The following ENOX2 variants were observed in gnomAD, a reference collection of about 807,000 sequenced individuals.
The protein encoded by ENOX2 is APK1 antigen.
A neutral mutation model predicts 45.0 loss-of-function variants in ENOX2; 36 were observed. The observed-to-expected ratio is 0.80, with a 90% CI of 0.61 to 1.06. The LOEUF (loss-of-function observed/expected upper bound fraction) is 1.06. ENOX2 is among the 50% of genes least tolerant of loss of function. The probability of loss-of-function intolerance (pLI) is 0.00; values close to 1 mark genes in which losing one functional copy is unlikely to be tolerated. For synonymous variants in ENOX2, 174 were observed against 152.3 expected, an observed-to-expected ratio of 1.14 and a Z score of -1.05; for missense variants, 423 against 462.5, an observed-to-expected ratio of 0.91 and a Z score of 0.78.
At chrX:130,711,921 G>T (rs1215110078) in intron 3 of ENOX2, among the ~76,000 whole-genome samples, 2 of 111,455 alleles carry the variant, frequency 1.8e-5, no homozygotes, top group Non-Finnish European at 3.8e-5. Flanking sequence ...TAGTGAGGAA[G>T]AAGAAGGCCA....
intron 2 of ENOX2, among the ~76,000 whole-genome samples, chrX:130,880,288 A>T (rs192300877): frequency 8.9e-6 from 1 of 112,022 alleles, no homozygotes; most frequent in Non-Finnish European, 1.9e-5. Context: ...AGGCATAGTT[A>T]CTTACCATAT....
chrX:130,832,170 T>C (rs184483368), intron 2 of ENOX2, among the ~76,000 whole-genome samples: 9 of 111,081 alleles, frequency 8.1e-5, no homozygotes, highest in Non-Finnish European at 1.7e-4. Flanking sequence ...CGTCTCACTA[T>C]ACATGCTTGG....
At chrX:130,871,526 G>GA (rs2078589899) in intron 2 of ENOX2, among the ~76,000 whole-genome samples, 3 of 111,491 alleles carry the variant, frequency 2.7e-5, no homozygotes, top group African/African-American at 9.8e-5. Flanking sequence ...CAAAGAAGGG[G>GA]AAAATCAATG....
rs909518542 is a variant in ENOX2, at chrX:130,623,327, T to A, written c.*1987A>T. On this transcript the variant is annotated 3_prime_UTR_variant, in exon 15 of 15. Transcript: ENST00000394363. ...GGTGTGGCAGCTGTTGCTTTAAAAA[T>A]TTTTTTTAATGTATTAATATCATGG... 1.1e-4 allele frequency: 12 copies of A among 111,010 alleles called. No individual in the cohort carries two copies. Among genetic ancestry groups the A allele is most frequent in the Admixed American group, 9.6e-4 (10 of 10,401 alleles). The allele number at this position is 111,010 out of a possible 1,213,427, so 9.1% of individuals were successfully genotyped here. A position where few individuals can be genotyped will look rare whatever the true frequency, so the allele number is the denominator to read the frequency against.
intron 4 of ENOX2, among the ~76,000 whole-genome samples, chrX:130,698,848 T>C (rs548014441): frequency 1.8e-5 from 2 of 111,850 alleles, no homozygotes; most frequent in Middle Eastern, 4.6e-3. Context: ...ATATCTTTCA[T>C]TATGGAGCAG....
chrX:130,641,492 G>T (rs2036081022), intron 10 of ENOX2, among the ~76,000 whole-genome samples: 1 of 110,815 alleles, frequency 9.0e-6, no homozygotes, highest in Non-Finnish European at 1.9e-5. Flanking sequence ...GCTGAGGTGG[G>T]CAGATCATGA....
chrX:130,683,526 G>A (rs765438637), intron 5 of ENOX2, among the ~76,000 whole-genome samples: 2 of 111,235 alleles, frequency 1.8e-5, no homozygotes, highest in East Asian at 5.6e-4. Flanking sequence ...CTGGCTCCTG[G>A]GTATTTTCCC....
In ENOX2 at chrX:130,631,470, A is replaced by G. The variant is rs150670565; in HGVS notation, c.1526T>C (p.Val509Ala). ...CATGTGTGCATTAGCTTCCTTACCC[A>G]CTAGCAGTGCTTCACGTTCAGATTT... is the stretch of plus-strand genomic sequence containing the variant. ...PIKSEREALL[V>A]GIISTFLHVH... The change falls in exon 13 of 15, where the codon GTG becomes GCG. Residue 509 changes from valine to alanine, a missense_variant and splice_region_variant. Val to Ala is a moderately conservative substitution (Grantham distance 64). Coordinates refer to ENST00000394363, the MANE Select transcript of ENOX2 (RefSeq NM_006375.4). 7.4e-5 allele frequency: 83 copies of G among 1,128,918 alleles called. No individual in the cohort carries two copies. The African/African-American group carries it at 9.9e-4, about 13-fold the overall frequency. The allele number at this position is 1,128,918 out of a possible 1,213,427, so 93.0% of individuals were successfully genotyped here. A position where few individuals can be genotyped will look rare whatever the true frequency, so the allele number is the denominator to read the frequency against.
At chrX:130,859,863 A>C (rs1409759933) in intron 2 of ENOX2, among the ~76,000 whole-genome samples, 1 of 111,552 alleles carries the variant, frequency 9.0e-6, no homozygotes, top group Non-Finnish European at 1.9e-5. Flanking sequence ...AATTTACTTA[A>C]TTTTAAGATA....
chrX:130,881,746 G>T (rs1173410232), intron 2 of ENOX2, among the ~76,000 whole-genome samples: 1 of 110,952 alleles, frequency 9.0e-6, no homozygotes, highest in Non-Finnish European at 1.9e-5. Flanking sequence ...GAGCGAGGAT[G>T]AGTATAGAAA....
chrX:130,776,956 T>C (rs956682460), intron 3 of ENOX2, among the ~76,000 whole-genome samples: 5 of 112,032 alleles, frequency 4.5e-5, no homozygotes, highest in African/African-American at 1.6e-4. Flanking sequence ...CCAAAACAGA[T>C]ACGGGGCCTC....
At chrX:130,859,637 T>C (rs2078377893) in intron 2 of ENOX2, among the ~76,000 whole-genome samples, 1 of 111,863 alleles carries the variant, frequency 8.9e-6, no homozygotes. Flanking sequence ...GTGTATAAAC[T>C]ATAAATAGAT....
intron 2 of ENOX2, among the ~76,000 whole-genome samples, chrX:130,815,021 T>C (rs2077457154): frequency 9.0e-6 from 1 of 111,446 alleles, no homozygotes; most frequent in African/African-American, 3.3e-5. Context: ...GAGGAATTGC[T>C]AACTAGAATA....
At chrX:130,701,317 C>T (rs1006137770) in intron 4 of ENOX2, among the ~76,000 whole-genome samples, 2 of 110,144 alleles carry the variant, frequency 1.8e-5, no homozygotes, top group African/African-American at 6.6e-5. Flanking sequence ...GACTCAGGGA[C>T]ACTCCACAAT....
intron 2 of ENOX2, among the ~76,000 whole-genome samples, chrX:130,791,818 A>G (rs1473915457): frequency 8.9e-6 from 1 of 111,900 alleles, no homozygotes; most frequent in Non-Finnish European, 1.9e-5. Context: ...GTATCTGCAT[A>G]ATTTCATTCT....
At position 130,843,087 on chromosome X, in the gene ENOX2, C is replaced by T. The variant is rs776687792; in HGVS notation, c.-183+58597G>A. ...ATCATATCACTATATATGCTGATAA[C>T]TTTCAAATCTATATTTCTAATCCAG... On this transcript the variant is annotated intron_variant, in intron 2 of 14. Transcript: ENST00000394363. 7.5e-4 allele frequency among the ~76,000 whole-genome samples: 84 copies of T among 111,616 alleles called. 2 individuals carry two copies. The highest frequency in any genetic ancestry group is 2.6e-3 in the African/African-American group (81 of 30,725).
intron 3 of ENOX2, among the ~76,000 whole-genome samples, chrX:130,763,871 T>TTG (rs2039552340): frequency 1.8e-5 from 2 of 110,368 alleles, no homozygotes; most frequent in African/African-American, 3.3e-5. Context: ...GGACCACAAT[T>TTG]TGTGTGTGTG....
intron 2 of ENOX2, among the ~76,000 whole-genome samples, chrX:130,848,093 C>T (rs1399376063): frequency 1.8e-5 from 2 of 111,425 alleles, no homozygotes; most frequent in African/African-American, 3.3e-5. Flanking sequence ...AGTGCAGTGG[C>T]GCGATCTCGG....
At chrX:130,671,942 G>A (rs1191837924) in intron 6 of ENOX2, among the ~76,000 whole-genome samples, 2 of 111,928 alleles carry the variant, frequency 1.8e-5, no homozygotes, top group Non-Finnish European at 3.8e-5. Flanking sequence ...GGAATGCAAC[G>A]ATGCAGGAAA....
Sources: allele counts gnomAD v4.1 joint callset (sites outside exome capture counted in the v4.1 genomes callset), GRCh38; gene constraint gnomAD v4.1.1; transcripts MANE v1.5; gene names NCBI Gene and HGNC (gene_info 2026-07-23, HGNC 2026-07-21).